Variants in G6PC3 observed in about 807,000 individuals in gnomAD.
G6PC3 encodes glucose-6-phosphatase 3.
A neutral mutation model predicts 38.6 loss-of-function variants in G6PC3; 30 were observed. The ratio of observed to expected loss-of-function variants is 0.78; its 90% CI spans 0.58 to 1.05. G6PC3 has a LOEUF of 1.05. G6PC3 is among the 50% of genes least tolerant of loss of function. The pLI, the probability that G6PC3 is intolerant of heterozygous loss-of-function variation, is 0.00. For synonymous variants in G6PC3, 192 were observed against 178.1 expected, an observed-to-expected ratio of 1.08 and a Z score of -0.62; for missense variants, 377 against 443.1, an observed-to-expected ratio of 0.85 and a Z score of 1.34.
Position 44,075,825 on chromosome 17 carries a change from C to G in G6PC3, c.823C>G (p.Arg275Gly). The change falls in exon 6 of 6, where the codon CGG (arginine) becomes GGG (glycine). Residue 275 changes from arginine (R) to glycine (G), a missense_variant. Physicochemically the swap from Arg to Gly is moderately radical, Grantham distance 125. Coordinates refer to ENST00000269097, the MANE Select transcript of G6PC3 (RefSeq NM_138387.4). ...CTCTCCCTGCTATGCCCAGGTGCGT[C>G]GGGCACAGCTGGGAAATGGCCAGAA... ...LHSPCYAQVR[R>G]AQLGNGQKIA... is the part of the protein sequence containing the mutation. 2 of 1,611,714 alleles carry G rather than the reference C, an allele frequency of 1.2e-6. No individual in the cohort carries two copies. The highest frequency in any genetic ancestry group is 1.7e-6 in the Non-Finnish European group (2 of 1,180,008).
rs1372797693 is a variant in G6PC3, at chr17:44,070,773, A to G, written c.-193A>G. 3.0e-6 allele frequency: 2 copies of G among 676,482 alleles called. No homozygotes were observed. The highest frequency in any genetic ancestry group is 1.8e-5 in the African/African-American group (1 of 56,266). The allele number at this position is 676,482 out of a possible 1,614,324, so 41.9% of individuals were successfully genotyped here. On this transcript the variant is annotated 5_prime_UTR_variant, in exon 1 of 6. Transcript: ENST00000269097. ...ACCGGAGGAGAGCGCAGGAGGAAAC[A>G]GTACCGGCTGGAGGCCGGTCTTGCA...
rs375273894 is a variant in G6PC3 at position 44,071,166 on chromosome 17, C to T, written c.201C>T (p.Leu67=). ...GGATCAGCCTCATCACCGAGTGGCT[C>T]AACCTCATCTTCAAGTGGTGAGACA... ...VLWISLITEW[L]NLIFKWFLFG... Residue 67 remains leucine, a synonymous_variant, in exon 1 of 6, where the codon CTC becomes CTT. Transcript: ENST00000269097. 1.8e-5 allele frequency: 29 copies of T among 1,613,500 alleles called. No homozygotes were observed. The highest frequency in any genetic ancestry group is 2.4e-5 in the Non-Finnish European group (28 of 1,179,968).
chr17:44,071,214 T>A, intron 1 of G6PC3, 31 bp downstream of exon 1: 1 of 1,604,258 alleles, frequency 6.2e-7, no homozygotes, highest in Non-Finnish European at 8.5e-7. Flanking sequence ...GGCATCCTGG[T>A]CCCCACCCCC....
chr17:44,070,946 T>A lies in G6PC3; in HGVS notation c.-20T>A. On this transcript the variant is annotated 5_prime_UTR_variant, in exon 1 of 6. Transcript: ENST00000269097. ...TTCCGCCCTGGAGCAAGCCGGGGCC[T>A]GGTCGGCAGCTGGGCCGCCATGGAG... 3 of 1,548,536 alleles carry A rather than the reference T, an allele frequency of 1.9e-6. No individual in the cohort carries two copies. Among genetic ancestry groups the A allele is most frequent in the Non-Finnish European group, 2.6e-6 (3 of 1,146,936 alleles).
In G6PC3 at chr17:44,071,064, C is replaced by G; in HGVS notation, c.99C>G (p.Gly33=). Residue 33 remains glycine, a synonymous_variant, in exon 1 of 6, where the codon GGC becomes GGG. Transcript: ENST00000269097. ...TGTGGCTCTGGATCACCTTTCTGGG[C>G]GATCCCAAGATCCTCTTTCTGTTCT... is the stretch of plus-strand genomic sequence containing the variant. ...ENVWLWITFL[G]DPKILFLFYF... 6.2e-7 allele frequency: 1 copy of G among 1,610,532 alleles called. No individual in the cohort carries two copies. The highest frequency in any genetic ancestry group is 1.1e-5 in the South Asian group (1 of 90,212).
At chr17:44,072,996 G>A (rs1399517818) in intron 1 of G6PC3, 1 of 152,146 alleles carries the variant, frequency 6.6e-6, no homozygotes, top group Admixed American at 6.6e-5. Flanking sequence ...GTTTTCAGAG[G>A]GGAGAGGCAA....
chr17:44,070,710 C>A (rs1376566181), upstream of G6PC3: 9 of 538,272 alleles, frequency 1.7e-5, no homozygotes, highest in Admixed American at 3.1e-5. Flanking sequence ...AACGCCTTTA[C>A]AAAGGTTTGT....
chr17:44,070,721 C>T (rs917537570), upstream of G6PC3: 4 of 568,650 alleles, frequency 7.0e-6, no homozygotes, highest in Admixed American at 1.1e-4. Context: ...AAAGGTTTGT[C>T]CCCTGCGCTG....
chr17:44,074,723 G>A lies in G6PC3; in HGVS notation c.369G>A (p.Trp123Ter). Residue 123 changes from tryptophan (W) to a stop codon, truncating the protein, a stop_gained, in exon 3 of 6, where the codon TGG becomes TGA. Transcript: ENST00000269097. LOFTEE classifies it high-confidence loss of function. ...GHCMITGAAL[W>*]PIMTALSSQV... The stretch of plus-strand genomic sequence containing the variant: ...GCATGATCACAGGAGCAGCCCTCTG[G>A]CCCATAATGACGGCCCTGTCTTCGC... The A allele has an allele frequency of 1.9e-6, 3 of 1,614,026 alleles. No homozygotes were observed. The highest frequency in any genetic ancestry group is 1.1e-5 in the South Asian group (1 of 91,022).
chr17:44,074,941 C>T, intron 3 of G6PC3, 28 bp from the exon 4 acceptor site: 1 of 1,588,618 alleles, frequency 6.3e-7, no homozygotes, highest in Non-Finnish European at 8.6e-7. Context: ...TGGACACGCT[C>T]TGAGCTCCTT....
Position 44,074,707 on chromosome 17 carries a change from C to A in G6PC3, c.353C>A (p.Thr118Lys). The stretch of plus-strand genomic sequence containing the variant: ...AGCCCTTCTGGACACTGCATGATCA[C>A]AGGAGCAGCCCTCTGGCCCATAATG... Reference protein sequence around the residue: ...PGSPSGHCMITGAALWPIMTA... With the variant: ...PGSPSGHCMIKGAALWPIMTA... Residue 118 changes from threonine (T) to lysine (K), a missense_variant, in exon 3 of 6, where the codon ACA becomes AAA. Physicochemically the swap from Thr to Lys is moderately conservative, Grantham distance 78. Coordinates refer to ENST00000269097, the MANE Select transcript of G6PC3 (RefSeq NM_138387.4). The A allele has an allele frequency of 1.2e-6, 2 of 1,614,224 alleles. No individual in the cohort carries two copies.
intron 1 of G6PC3, chr17:44,072,259 CA>C (rs2049993528): frequency 6.5e-6 from 1 of 152,922 alleles, no homozygotes; most frequent in African/African-American, 2.4e-5. Flanking sequence ...CCCCAAAGAT[CA>C]CAATCTCCTT....
At position 44,075,355 on chromosome 17, in the gene G6PC3, G is replaced by C; in HGVS notation, c.581G>C (p.Arg194Pro). ...WLMTPRVPME[R>P]ELSFYGLTAL... ...ATGACTCCCCGAGTGCCTATGGAGC[G>C]GGAGCTAAGCTTCTATGGGTTGACT... is the stretch of plus-strand genomic sequence containing the variant. Residue 194 changes from arginine (R) to proline (P), a missense_variant, in exon 5 of 6, where the codon CGG (arginine) becomes CCG (proline). By Grantham distance (103) the Arg-to-Pro change is moderately radical. Coordinates refer to ENST00000269097, the MANE Select transcript of G6PC3 (RefSeq NM_138387.4). The C allele has an allele frequency of 6.2e-7, 1 of 1,614,140 alleles. No homozygotes were observed. Among genetic ancestry groups the C allele is most frequent in the South Asian group, 1.1e-5 (1 of 91,082 alleles).
chr17:44,073,442 C>G (rs1309623071), intron 1 of G6PC3: 1 of 153,104 alleles, frequency 6.5e-6, no homozygotes, highest in African/African-American at 2.4e-5. Context: ...GCCTCTGTAT[C>G]AGTTTTATTT....
At chr17:44,074,922 A>C (rs757488323) in intron 3 of G6PC3, 47 bp from the exon 4 acceptor site, 1 of 1,544,532 alleles carries the variant, frequency 6.5e-7, no homozygotes, top group East Asian at 2.2e-5. Flanking sequence ...CAGGAGGCCA[A>C]GCTGTGTATG....
Position 44,070,753 on chromosome 17 carries a change from A to C in G6PC3, c.-213A>C, listed in dbSNP as rs1414365115. ...GCTGCCCAGTAGGGAGGAAAACCGGAGGAGAGCGCAGGAGGAAACAGTACC... is the reference window on the plus strand; with the variant it reads ...GCTGCCCAGTAGGGAGGAAAACCGGCGGAGAGCGCAGGAGGAAACAGTACC... On this transcript the variant is annotated 5_prime_UTR_variant, in exon 1 of 6. Coordinates refer to ENST00000269097, the MANE Select transcript of G6PC3 (RefSeq NM_138387.4). 9.4e-6 allele frequency: 6 copies of C among 637,764 alleles called. No homozygotes were observed. The Admixed American group carries it at 1.4e-4, about 15-fold the overall frequency. 39.5% of individuals were successfully genotyped at this position (637,764 alleles called of 1,614,324 possible).
Position 44,075,101 on chromosome 17 carries a change from G to T in G6PC3, c.535+14G>T. 2 of 1,594,324 alleles carry T rather than the reference G, an allele frequency of 1.3e-6. No homozygotes were observed. Among genetic ancestry groups the T allele is most frequent in the Non-Finnish European group, 1.7e-6 (2 of 1,161,992 alleles). ...GCCTAATAACTGGTGAGCAACTGGGGCAACGGGGTGGACTGAGAGGATGCC... is the reference window on the plus strand; with the variant it reads ...GCCTAATAACTGGTGAGCAACTGGGTCAACGGGGTGGACTGAGAGGATGCC... On this transcript the variant is annotated intron_variant, in intron 4 of 5. Transcript: ENST00000269097.
chr17:44,075,969 C>G lies in G6PC3; in HGVS notation c.967C>G (p.Leu323Val), dbSNP rs755083701. Residue 323 changes from leucine (L) to valine (V), a missense_variant, in exon 6 of 6, where the codon CTA becomes GTA. Leu to Val is a conservative substitution (Grantham distance 32). Coordinates refer to ENST00000269097, the MANE Select transcript of G6PC3 (RefSeq NM_138387.4). ...NFLKYTLWPC[L>V]VLALVPWAVH... is the part of the protein sequence containing the mutation. ...CCTCAAGTACACCCTCTGGCCATGC[C>G]TAGTCCTGGCCCTCGTGCCCTGGGC... 8 of 1,613,330 alleles carry G rather than the reference C, an allele frequency of 5.0e-6. No individual in the cohort carries two copies. The highest frequency in any genetic ancestry group is 6.8e-6 in the Non-Finnish European group (8 of 1,180,024).
chr17:44,071,034 G>A lies in G6PC3; in HGVS notation c.69G>A (p.Glu23=). Residue 23 remains glutamate (E), a synonymous_variant, in exon 1 of 6, where the codon GAG becomes GAA. Transcript: ENST00000269097. ...TACAGAACCAGCTAGCCTGGCTGGA[G>A]AACGTGTGGCTCTGGATCACCTTTC... ...EALQNQLAWL[E]NVWLWITFLG... 6.3e-7 allele frequency: 1 copy of A among 1,592,990 alleles called. No individual in the cohort carries two copies. Among genetic ancestry groups the A allele is most frequent in the Non-Finnish European group, 8.6e-7 (1 of 1,169,116 alleles).
Sources: allele counts gnomAD v4.1 joint callset, GRCh38; gene constraint gnomAD v4.1.1; transcripts MANE v1.5; gene names NCBI Gene and HGNC (gene_info 2026-07-23, HGNC 2026-07-21).